ZBTB16: variants seen among roughly 807,000 people sequenced by gnomAD.
The protein encoded by ZBTB16 is zinc finger and BTB domain-containing protein 16.
A neutral mutation model predicts 56.8 loss-of-function variants in ZBTB16; 8 were observed. That is an observed-to-expected ratio of 0.14 (90% confidence interval 0.08 to 0.25). ZBTB16 has a LOEUF of 0.25. Ranked by LOEUF, ZBTB16 falls within the 10% of genes least tolerant of loss-of-function variation. The pLI is 1.00. For synonymous variants in ZBTB16, 363 were observed against 368.5 expected (o/e 0.98, Z 0.17); for missense variants, 625 against 903.0 (o/e 0.69, Z 3.95).
At chr11:114,246,360 C>T (rs560645676) in intron 5 of ZBTB16, among the ~76,000 whole-genome samples, 8 of 152,318 alleles carry the variant, frequency 5.3e-5, no homozygotes, top group African/African-American at 1.7e-4. Flanking sequence ...CCTTACTTGC[C>T]GTTTCACCTT....
intron 4 of ZBTB16, among the ~76,000 whole-genome samples, chr11:114,228,743 G>A (rs1591798457): frequency 1.3e-5 from 2 of 152,324 alleles, no homozygotes; most frequent in African/African-American, 4.8e-5. Context: ...TGCTGTCTGA[G>A]GTGGGCGGGG....
chr11:114,189,910 A>G (rs1255684853), intron 4 of ZBTB16: 1 of 152,238 alleles, frequency 6.6e-6, no homozygotes, highest in African/African-American at 2.4e-5. Context: ...ATAATAGCCA[A>G]AAAATGGAAA....
At position 114,063,354 on chromosome 11, in the gene ZBTB16, G is replaced by T. The variant is rs776762200; in HGVS notation, c.54G>T (p.Thr18=). The change falls in exon 2 of 7, where the codon ACG becomes ACT. Residue 18 remains threonine, a synonymous_variant. Transcript: ENST00000335953. The surrounding 1 kb of genome is among the most constrained non-coding windows in gnomAD (Gnocchi z 6.5). The part of the protein sequence containing the change: ...MIQLQNPSHP[T]GLLCKANQMR... The stretch of plus-strand genomic sequence containing the variant: ...AGCTGCAGAACCCTAGCCACCCCAC[G>T]GGGCTACTGTGCAAGGCCAACCAGA... The T allele has an allele frequency of 1.2e-6, 2 of 1,614,074 alleles. No homozygotes were observed. The highest frequency in any genetic ancestry group is 2.2e-5 in the South Asian group (2 of 91,080).
intron 2 of ZBTB16, among the ~76,000 whole-genome samples, chr11:114,120,656 G>A (rs764353092): frequency 9.2e-5 from 14 of 152,086 alleles, no homozygotes; most frequent in Admixed American, 2.0e-4. Context: ...AGACCCTCCC[G>A]CACACTTTCT....
intron 4 of ZBTB16, among the ~76,000 whole-genome samples, chr11:114,233,873 A>G (rs1944507333): frequency 6.6e-6 from 1 of 152,236 alleles, no homozygotes; most frequent in African/African-American, 2.4e-5. Context: ...TGCTAAACAA[A>G]TACACGGTTT....
intron 2 of ZBTB16, among the ~76,000 whole-genome samples, chr11:114,136,402 A>G (rs764461753): frequency 3.3e-5 from 5 of 152,318 alleles, no homozygotes; most frequent in Admixed American, 2.0e-4. Context: ...TCTTGAGCTC[A>G]TAGATCACAG....
intron 2 of ZBTB16, among the ~76,000 whole-genome samples, chr11:114,086,101 G>A (rs1310475379): frequency 6.6e-6 from 1 of 152,096 alleles, no homozygotes; most frequent in African/African-American, 2.4e-5. Flanking sequence ...CCTGCTCTGT[G>A]GAGCCTGCTG....
At chr11:114,225,895 G>T (rs569998097) in intron 4 of ZBTB16, among the ~76,000 whole-genome samples, 1 of 152,116 alleles carries the variant, frequency 6.6e-6, no homozygotes, top group Non-Finnish European at 1.5e-5. Flanking sequence ...TCTCTAATCT[G>T]CCCAGCAACC....
At chr11:114,233,079 G>GCGCGCGCGCGCA (rs1944483148) in intron 4 of ZBTB16, among the ~76,000 whole-genome samples, 1 of 53,762 alleles carries the variant, frequency 1.9e-5, no homozygotes, top group African/African-American at 6.1e-5. Context: ...GCGCGCGCGC[G>GCGCGCGCGCGCA]CGCACACACA....
chr11:114,199,632 A>C (rs1943689215), intron 4 of ZBTB16, among the ~76,000 whole-genome samples: 1 of 152,246 alleles, frequency 6.6e-6, no homozygotes, highest in African/African-American at 2.4e-5. Flanking sequence ...CATATGGGAC[A>C]AATGGCTTCG....
intron 4 of ZBTB16, among the ~76,000 whole-genome samples, chr11:114,237,784 A>G (rs188146331): frequency 3.4e-4 from 52 of 152,276 alleles, no homozygotes; most frequent in Non-Finnish European, 3.5e-4. Context: ...GCATGCACCA[A>G]TAGCTTTTCT....
At chr11:114,151,103 G>A (rs575593610) in intron 2 of ZBTB16, among the ~76,000 whole-genome samples, 63 of 152,298 alleles carry the variant, frequency 4.1e-4, no homozygotes, top group African/African-American at 1.3e-3. Flanking sequence ...GTACCCCTCT[G>A]AAGCACTGAG....
At chr11:114,095,709 C>A (rs1415947766) in intron 2 of ZBTB16, among the ~76,000 whole-genome samples, 2 of 152,182 alleles carry the variant, frequency 1.3e-5, no homozygotes, top group African/African-American at 4.8e-5. Flanking sequence ...AACTGCGAGG[C>A]TCAGGCCTAG....
intron 2 of ZBTB16, among the ~76,000 whole-genome samples, chr11:114,133,122 T>C (rs1476004150): frequency 1.3e-5 from 2 of 152,106 alleles, no homozygotes; most frequent in Non-Finnish European, 2.9e-5. Flanking sequence ...AAAATCAAAA[T>C]TGCTGCCTGT....
At chr11:114,062,292 G>C (rs370042291) in intron 1 of ZBTB16, among the ~76,000 whole-genome samples, 3 of 151,058 alleles carry the variant, frequency 2.0e-5, no homozygotes, top group African/African-American at 7.3e-5. Flanking sequence ...TTGTAGAGAC[G>C]GGGCTTCTCC....
intron 2 of ZBTB16, among the ~76,000 whole-genome samples, chr11:114,099,086 A>T (rs935395073): frequency 6.6e-6 from 1 of 152,210 alleles, no homozygotes; most frequent in African/African-American, 2.4e-5. Context: ...TATGTTTGCC[A>T]TGTGGCTGCT....
At chr11:114,096,786 A>G (rs1275518815) in intron 2 of ZBTB16, among the ~76,000 whole-genome samples, 1 of 152,170 alleles carries the variant, frequency 6.6e-6, no homozygotes, top group East Asian at 1.9e-4. Flanking sequence ...CTTCAGCGAC[A>G]TTGTTGACTT....
intron 2 of ZBTB16, among the ~76,000 whole-genome samples, chr11:114,134,998 G>C (rs1941761103): frequency 6.6e-6 from 1 of 152,186 alleles, no homozygotes; most frequent in Admixed American, 6.5e-5. Context: ...CTCCAGAGTT[G>C]CGCCAGATCC....
intron 2 of ZBTB16, among the ~76,000 whole-genome samples, chr11:114,152,748 C>T (rs1942308188): frequency 6.6e-6 from 1 of 152,172 alleles, no homozygotes; most frequent in Admixed American, 6.5e-5. Context: ...TGTGTGAAAA[C>T]TCTACCACCA....
Sources: allele counts gnomAD v4.1 joint callset (sites outside exome capture counted in the v4.1 genomes callset), GRCh38; gene constraint gnomAD v4.1.1; non-coding constraint Gnocchi (gnomAD v3.1); transcripts MANE v1.5; gene names NCBI Gene and HGNC (gene_info 2026-07-23, HGNC 2026-07-21).